Variants in HDAC10 observed in about 807,000 individuals in gnomAD.
HDAC10 encodes the protein histone deacetylase 10.
In HDAC10, 90 loss-of-function variants were observed where a neutral mutation model predicts 82.3. The ratio of observed to expected loss-of-function variants is 1.09; its 90% CI spans 0.92 to 1.30. The LOEUF is 1.30. HDAC10 is among the 50% of genes most tolerant of loss of function. The pLI, the probability that HDAC10 is intolerant of heterozygous loss-of-function variation, is 0.00. For synonymous variants in HDAC10, 456 were observed against 391.7 expected, an observed-to-expected ratio of 1.16 and a Z score of -1.94; for missense variants, 934 against 876.3, an observed-to-expected ratio of 1.07 and a Z score of -0.83.
rs2147242929 is a variant in HDAC10, at chr22:50,249,747, C to T, written c.495-44G>A. On this transcript the variant is annotated intron_variant, in intron 5 of 19. Coordinates refer to ENST00000216271, the MANE Select transcript of HDAC10 (RefSeq NM_032019.6). The surrounding 1 kb of genome is among the most constrained non-coding windows in gnomAD (Gnocchi z 4.4). ...GGTGGCAAAGGGGCAGGGCCTCCCA[C>T]CTCCAGGAGCCCGGCCAGGGATGGG... is the stretch of plus-strand genomic sequence containing the variant. The T allele has an allele frequency of 6.2e-7, 1 of 1,610,290 alleles. No individual in the cohort carries two copies. The highest frequency in any genetic ancestry group is 8.5e-7 in the Non-Finnish European group (1 of 1,178,248).
At chr22:50,246,425 GC>G in intron 16 of HDAC10, 49 bp from the exon 17 acceptor site, 2 of 1,483,138 alleles carry the variant, frequency 1.3e-6, no homozygotes. Context: ...ACCCTCCTGA[GC>G]CCAAACCGCA....
intron 3 of HDAC10, 112 bp downstream of exon 3, chr22:50,250,315 T>C: frequency 8.1e-7 from 1 of 1,235,738 alleles, no homozygotes; most frequent in Non-Finnish European, 1.2e-6. Flanking sequence ...TGCAGGGCAA[T>C]GTCATGTGTA....
chr22:50,246,591 C>G, intron 16 of HDAC10, 88 bp downstream of exon 16: 1 of 1,330,208 alleles, frequency 7.5e-7, no homozygotes, highest in Non-Finnish European at 1.1e-6. Context: ...AGTGCCCCAC[C>G]CACCCGTCAC....
At position 50,250,963 on chromosome 22, in the gene HDAC10, G is replaced by T; in HGVS notation, c.59+11C>A. ...CCTCCCCGCACCCCACCTCGGCCAG[G>T]TCCCACTTACTCGTCCCAGAGCAGC... On this transcript the variant is annotated intron_variant, in intron 1 of 19. Transcript: ENST00000216271. The T allele has an allele frequency of 6.2e-7, 1 of 1,612,282 alleles. No individual in the cohort carries two copies. The highest frequency in any genetic ancestry group is 1.1e-5 in the South Asian group (1 of 91,044).
Position 50,248,289 on chromosome 22 carries a change from G to A in HDAC10, c.1017C>T (p.Ala339=). ...CACGGGCACTCTGGATGGACTCTAG[G>A]GCACTGTGAGGGAGACACAACAGTC... ...LSGPMAPCQS[A]LESIQSARAA... Residue 339 remains alanine, a synonymous_variant, in exon 12 of 20, where the codon GCC becomes GCT. Coordinates refer to ENST00000216271, the MANE Select transcript of HDAC10 (RefSeq NM_032019.6). This position sits in a 1 kb window ranked among gnomAD's most constrained non-coding sequence, Gnocchi z 5.4. 2 of 1,612,426 alleles carry A rather than the reference G, an allele frequency of 1.2e-6. No homozygotes were observed. Among genetic ancestry groups the A allele is most frequent in the Non-Finnish European group, 1.7e-6 (2 of 1,179,902 alleles).
chr22:50,249,470 C>T lies in HDAC10; in HGVS notation c.564-16G>A, dbSNP rs773786345. The T allele has an allele frequency of 1.2e-6, 2 of 1,612,364 alleles. No homozygotes were observed. Among genetic ancestry groups the T allele is most frequent in the South Asian group, 1.1e-5 (1 of 91,056 alleles). On this transcript the variant is annotated splice_polypyrimidine_tract_variant and intron_variant, in intron 6 of 19. Coordinates refer to ENST00000216271, the MANE Select transcript of HDAC10 (RefSeq NM_032019.6). This position sits in a 1 kb window ranked among gnomAD's most constrained non-coding sequence, Gnocchi z 4.4. ...GTAAAGGACGCTGCCAACAGCCAGC[C>T]AGGGCCAGAGGTCAAAGGTCAGGAC...
chr22:50,245,588 G>A lies in HDAC10; in HGVS notation c.1987-58C>T, dbSNP rs569117518. ...GGCCTCCGGCGCTGGAGCTGGTTCA[G>A]GGCACTCCCCTGCCCTGCCCTCCCC... On this transcript the variant is annotated intron_variant, in intron 19 of 19. Coordinates refer to ENST00000216271, the MANE Select transcript of HDAC10 (RefSeq NM_032019.6). 5.2e-4 allele frequency: 811 copies of A among 1,555,446 alleles called. 2 individuals carry two copies. Among genetic ancestry groups the A allele is most frequent in the Non-Finnish European group, 3.5e-4 (393 of 1,127,642 alleles).
intron 15 of HDAC10, 53 bp from the exon 16 acceptor site, chr22:50,246,788 C>G (rs1458677360): frequency 1.2e-6 from 2 of 1,603,534 alleles, no homozygotes; most frequent in South Asian, 2.2e-5. Context: ...AGAGTCCATT[C>G]CCAGAACTCT....
intron 3 of HDAC10, 72 bp from the exon 4 acceptor site, chr22:50,250,232 G>A (rs997630018): frequency 7.0e-7 from 1 of 1,436,974 alleles, no homozygotes; most frequent in Non-Finnish European, 9.6e-7. Context: ...CCACACTTGT[G>A]CCAGGCTGCA....
In HDAC10 at chr22:50,249,694, G is replaced by A. The variant is rs755861089; in HGVS notation, c.504C>T (p.Val168=). ...KQKHGLHRIL[V]VDWDVHHGQG... ...GGCCATGGTGCACATCCCAGTCCAC[G>A]ACGAGGATCCTGGGTACAGACAGCG... The change falls in exon 6 of 20, where the codon GTC becomes GTT. Residue 168 remains valine (V), a synonymous_variant. Transcript: ENST00000216271. The surrounding 1 kb of genome is among the most constrained non-coding windows in gnomAD (Gnocchi z 4.4). The A allele has an allele frequency of 1.6e-5, 25 of 1,612,710 alleles. No homozygotes were observed. The highest frequency in any genetic ancestry group is 1.3e-4 in the East Asian group (6 of 44,872).
At position 50,247,997 on chromosome 22, in the gene HDAC10, G is replaced by A; in HGVS notation, c.1230C>T (p.Val410=). 6.2e-7 allele frequency: 1 copy of A among 1,612,876 alleles called. No homozygotes were observed. The change falls in exon 13 of 20, where the codon GTC becomes GTT. Residue 410 remains valine (V), a synonymous_variant. Transcript: ENST00000216271. The part of the protein sequence containing the change: ...DQPCLCPAPS[V]RTAVALTTPD... Reference sequence around the variant, plus strand: ...GCGTTGTCAGGGCAACAGCGGTGCGGACAGAGGGTGCGGGGCAGAGGCACG... The same window carrying A: ...GCGTTGTCAGGGCAACAGCGGTGCGAACAGAGGGTGCGGGGCAGAGGCACG...
At chr22:50,247,595 C>T (rs2064986062) in intron 14 of HDAC10, 97 bp downstream of exon 14, 7 of 866,136 alleles carry the variant, frequency 8.1e-6, no homozygotes, top group Non-Finnish European at 1.3e-5. Context: ...GGTTCTGCAC[C>T]ACCCAGCCCT....
rs1443162887 is a variant in HDAC10, at chr22:50,248,386, C to T, written c.993G>A (p.Gly331=). 4 of 1,610,158 alleles carry T rather than the reference C, an allele frequency of 2.5e-6. No homozygotes were observed. The highest frequency in any genetic ancestry group is 1.1e-5 in the South Asian group (1 of 91,080). ...LLGDPAPPLS[G]PMAPCQSALE... ...CGCACCTCTGACATGGCGCCATTGG[C>T]CCTGACAGGGGTGGGGCCGGGTCAC... The change falls in exon 11 of 20, where the codon GGG becomes GGA. Residue 331 remains glycine, a synonymous_variant. Transcript: ENST00000216271. This position sits in a 1 kb window ranked among gnomAD's most constrained non-coding sequence, Gnocchi z 5.4.
rs756714862 is a variant in HDAC10, at chr22:50,245,728, G to C, written c.1933C>G (p.Gln645Glu). Residue 645 changes from glutamine to glutamate, a missense_variant, in exon 19 of 20, where the codon CAG becomes GAG. Transcript: ENST00000216271. ...TGCCCTCTCAGGTACATCAGGGCCTGGACGTCCTCTGGGGAGGCCACAGAG... is the reference window on the plus strand; with the variant it reads ...TGCCCTCTCAGGTACATCAGGGCCTCGACGTCCTCTGGGGAGGCCACAGAG... ...PSSVASPEDV[Q>E]ALMYLRGQLE... 6.2e-7 allele frequency: 1 copy of C among 1,613,150 alleles called. No homozygotes were observed. Among genetic ancestry groups the C allele is most frequent in the Admixed American group, 1.7e-5 (1 of 59,992 alleles).
Position 50,247,735 on chromosome 22 carries a change from A to G in HDAC10, c.1379T>C (p.Leu460Pro), listed in dbSNP as rs747748937. The G allele has an allele frequency of 1.2e-6, 2 of 1,602,200 alleles. No homozygotes were observed. The highest frequency in any genetic ancestry group is 8.5e-7 in the Non-Finnish European group (1 of 1,171,426). Residue 460 changes from leucine (L) to proline (P), a missense_variant, in exon 14 of 20, where the codon CTT (leucine) becomes CCT (proline). Physicochemically the swap from Leu to Pro is moderately conservative, Grantham distance 98 (BLOSUM62 -3). Transcript: ENST00000216271. ...SLAREEALTA[L>P]GKLLYLLDGM... Reference sequence around the variant, plus strand: ...ATCTAAGAGGTACAGGAGCTTCCCAAGTGCAGTGAGGGCCTCCTCCCGGGC... The same window carrying G: ...ATCTAAGAGGTACAGGAGCTTCCCAGGTGCAGTGAGGGCCTCCTCCCGGGC...
In HDAC10 at chr22:50,249,327, C is replaced by T. The variant is rs1289288027; in HGVS notation, c.690+1G>A. ...GGGACCTGGGGCTTGAGGGTGGGCA[C>T]CTGGTTCCAGGGCAGGTTGACAGTG... On this transcript the variant is annotated splice_donor_variant, in intron 7 of 19. Coordinates refer to ENST00000216271, the MANE Select transcript of HDAC10 (RefSeq NM_032019.6). LOFTEE classifies it high-confidence loss of function. This position sits in a 1 kb window ranked among gnomAD's most constrained non-coding sequence, Gnocchi z 4.4. 6 of 1,604,842 alleles carry T rather than the reference C, an allele frequency of 3.7e-6. No individual in the cohort carries two copies. Among genetic ancestry groups the T allele is most frequent in the African/African-American group, 1.3e-5 (1 of 74,650 alleles).
intron 1 of HDAC10, 33 bp from the exon 2 acceptor site, chr22:50,250,938 C>T: frequency 6.2e-7 from 1 of 1,609,702 alleles, no homozygotes; most frequent in South Asian, 1.1e-5. Flanking sequence ...TTCAGAGGTC[C>T]CTCCCCGCAC....
rs1362235768 is a variant in HDAC10 at position 50,248,144 on chromosome 22, A to C, written c.1083T>G (p.Asp361Glu). Residue 361 changes from aspartate (D) to glutamate (E), a missense_variant and splice_region_variant, in exon 13 of 20, where the codon GAT becomes GAG. Coordinates refer to ENST00000216271, the MANE Select transcript of HDAC10 (RefSeq NM_032019.6). The surrounding 1 kb of genome is among the most constrained non-coding windows in gnomAD (Gnocchi z 5.4). The part of the protein sequence containing the change: ...APHWKSLQQQ[D>E]VTAVPMSPSS... ...TGGGGCTCATCGGCACAGCGGTCAC[A>C]TCTAGGGACAGTTCGGAGTCATAGC... 1 of 1,588,248 alleles carries C rather than the reference A, an allele frequency of 6.3e-7. No individual in the cohort carries two copies. The highest frequency in any genetic ancestry group is 8.6e-7 in the Non-Finnish European group (1 of 1,166,860).
At chr22:50,246,159 C>T in intron 17 of HDAC10, 67 bp from the exon 18 acceptor site, 1 of 1,549,954 alleles carries the variant, frequency 6.5e-7, no homozygotes, top group Non-Finnish European at 8.8e-7. Context: ...CCCAACCTCC[C>T]AATCTCAGGG....
Sources: gnomAD v4.1 joint callset for allele counts on GRCh38, gnomAD v4.1.1 for gene constraint, Gnocchi (gnomAD v3.1) non-coding constraint, MANE v1.5 for transcripts, NCBI Gene and HGNC (gene_info 2026-07-23, HGNC 2026-07-21) for gene names.